The following TEP1 variants were observed in gnomAD, a reference collection of about 807,000 sequenced individuals.
The protein encoded by TEP1 is telomerase associated protein 1, also known as telomerase protein component 1.
TEP1 carries 241 observed loss-of-function variants against 306.3 expected under a neutral mutation model. The ratio of observed to expected loss-of-function variants is 0.79; its 90% CI spans 0.71 to 0.88. The LOEUF is 0.88. TEP1 is among the 40% of genes least tolerant of loss of function. The pLI, the probability that TEP1 is intolerant of heterozygous loss-of-function variation, is 0.00. For missense variants in TEP1, 3,051 were observed against 3,276.1 expected, an observed-to-expected ratio of 0.93 and a Z score of 1.68; for synonymous variants, 1,289 against 1,305.5, an observed-to-expected ratio of 0.99 and a Z score of 0.27.
chr14:20,401,732 C>A, intron 7 of TEP1, 151 bp from the exon 8 acceptor site: 1 of 1,175,362 alleles, frequency 8.5e-7, no homozygotes. Context: ...ATAGAGGGTA[C>A]AAATCTCTGG....
At chr14:20,402,612 G>A (rs567465613) in intron 7 of TEP1, among the ~76,000 whole-genome samples, 2 of 152,036 alleles carry the variant, frequency 1.3e-5, no homozygotes, top group African/African-American at 2.4e-5. Flanking sequence ...CATTTAATAC[G>A]TGAGAAAACT....
intron 53 of TEP1, among the ~76,000 whole-genome samples, 193 bp from the exon 54 acceptor site, chr14:20,369,095 C>T (rs948932754): frequency 1.3e-5 from 2 of 152,044 alleles, no homozygotes; most frequent in African/African-American, 4.8e-5. Context: ...GCAAGCTCTG[C>T]CTCCCGGGTT....
rs766048258 is a variant in TEP1 at position 20,403,412 on chromosome 14, T to C, written c.1231A>G (p.Arg411Gly). 6.2e-7 allele frequency: 1 copy of C among 1,614,084 alleles called. No homozygotes were observed. Among genetic ancestry groups the C allele is most frequent in the South Asian group, 1.1e-5 (1 of 91,084 alleles). ...TCTTCTCTGAGAAACCCTATGTACC[T>C]TGGAAAACATCTGTGAGAAAATGGA... ...EPPFSHRCFPRYIGFLREEQR... is the reference protein window; with the variant it reads ...EPPFSHRCFPGYIGFLREEQR... The change falls in exon 7 of 55, where the codon AGG (arginine) becomes GGG (glycine). Residue 411 changes from arginine to glycine, a missense_variant. Physicochemically the swap from Arg to Gly is moderately radical, Grantham distance 125 (BLOSUM62 -2). Coordinates refer to ENST00000262715, the MANE Select transcript of TEP1 (RefSeq NM_007110.5).
In TEP1 at chr14:20,408,017, C is replaced by T; in HGVS notation, c.423G>A (p.Leu141=). The stretch of plus-strand genomic sequence containing the variant: ...GGCAATTGCTGTTGTTCACACGGTA[C>T]AAATCAGCTTGCGTCATGTGAGATA... ...LQISHMTQAD[L]YRVNNSNCLL... The change falls in exon 2 of 55, where the codon TTG becomes TTA. Residue 141 remains leucine (L), a synonymous_variant. Transcript: ENST00000262715. The T allele has an allele frequency of 6.2e-7, 1 of 1,614,178 alleles. No homozygotes were observed. Among genetic ancestry groups the T allele is most frequent in the Non-Finnish European group, 8.5e-7 (1 of 1,180,038 alleles).
rs1884498760 is a variant in TEP1 at position 20,366,905 on chromosome 14, A to G, written c.*1532T>C. On this transcript the variant is annotated 3_prime_UTR_variant, in exon 55 of 55. Coordinates refer to ENST00000262715, the MANE Select transcript of TEP1 (RefSeq NM_007110.5). ...ATCTTTTGCCTTTTGCTCTCCTAAA[A>G]GCATGGGCCAAGGGCAGGAGGAAGC... 6.6e-6 allele frequency: 1 copy of G among 152,236 alleles called. No individual in the cohort carries two copies. Among genetic ancestry groups the G allele is most frequent in the African/African-American group, 2.4e-5 (1 of 41,470 alleles). The allele number at this position is 152,236 out of a possible 1,614,324, so 9.4% of individuals were successfully genotyped here.
intron 5 of TEP1, among the ~76,000 whole-genome samples, chr14:20,404,287 G>A (rs980172256): frequency 1.2e-4 from 18 of 150,778 alleles, no homozygotes; most frequent in Admixed American, 6.6e-4. Flanking sequence ...CCTGGGAGGC[G>A]GAGGTTGCAG....
chr14:20,408,035 G>A lies in TEP1; in HGVS notation c.405C>T (p.His135=). Residue 135 remains histidine (H), a synonymous_variant, in exon 2 of 55, where the codon CAC becomes CAT. Coordinates refer to ENST00000262715, the MANE Select transcript of TEP1 (RefSeq NM_007110.5). ...SPLFQSLQIS[H]MTQADLYRVN... ...CACGGTACAAATCAGCTTGCGTCATGTGAGATATCTGTAGACTCTGGAACA... is the reference window on the plus strand; with the variant it reads ...CACGGTACAAATCAGCTTGCGTCATATGAGATATCTGTAGACTCTGGAACA... 1 of 1,614,206 alleles carries A rather than the reference G, an allele frequency of 6.2e-7. No individual in the cohort carries two copies. The highest frequency in any genetic ancestry group is 8.5e-7 in the Non-Finnish European group (1 of 1,180,034).
intron 35 of TEP1, 50 bp from the exon 36 acceptor site, chr14:20,379,155 C>T (rs1319931807): frequency 6.2e-7 from 1 of 1,601,416 alleles, no homozygotes; most frequent in Non-Finnish European, 8.5e-7. Context: ...CTTGACCCTC[C>T]AAGTCCCACC....
chr14:20,380,943 G>A lies in TEP1; in HGVS notation c.4750C>T (p.His1584Tyr). ...TGACTCATCTCACCATAGAGGGCAT[G>A]GGCCTCCAAGAGCCGAGAGACCAGA... is the stretch of plus-strand genomic sequence containing the variant. ...LGLVSRLLEAHALYASSVPKE... is the reference protein window; with the variant it reads ...LGLVSRLLEAYALYASSVPKE... The change falls in exon 33 of 55, where the codon CAT becomes TAT. Residue 1584 changes from histidine to tyrosine, a missense_variant. This residue lies in a region of TEP1 where 1,540 missense variants were observed against 1,705.9 expected (regional missense o/e 0.90). Coordinates refer to ENST00000262715, the MANE Select transcript of TEP1 (RefSeq NM_007110.5). 1 of 1,613,930 alleles carries A rather than the reference G, an allele frequency of 6.2e-7. No individual in the cohort carries two copies. Among genetic ancestry groups the A allele is most frequent in the Non-Finnish European group, 8.5e-7 (1 of 1,179,814 alleles).
In TEP1 at chr14:20,381,997, C is replaced by T. The variant is rs1713457; in HGVS notation, c.4340G>A (p.Ser1447Asn). Residue 1447 changes from serine (S) to asparagine (N), a missense_variant, in exon 30 of 55, where the codon AGC becomes AAC. Physicochemically the swap from Ser to Asn is conservative, Grantham distance 46. Around this residue, in one of 3 missense-constraint regions of TEP1, gnomAD observed 1,540 missense variants for 1,705.9 expected, o/e 0.90. Transcript: ENST00000262715. The surrounding 1 kb of genome is among the most constrained non-coding windows in gnomAD (Gnocchi z 4.0). Reference protein sequence around the residue: ...VWRTLPKGTKSWEEAVAAGNS... With the variant: ...VWRTLPKGTKNWEEAVAAGNS... ...ACCAGCAGCCACTGCTTCTTCCCAG[C>T]TCTTAGTCCCCTTCGGTAGTGTCCG... is the stretch of plus-strand genomic sequence containing the variant. 1 of 1,614,054 alleles carries T rather than the reference C, an allele frequency of 6.2e-7. No individual in the cohort carries two copies. Among genetic ancestry groups the T allele is most frequent in the South Asian group, 1.1e-5 (1 of 91,078 alleles).
rs1471078291 is a variant in TEP1 at position 20,405,504 on chromosome 14, T to G, written c.817A>C (p.Ile273Leu). Reference protein sequence around the residue: ...NNTSDPTLAAIFEICRELALL... With the variant: ...NNTSDPTLAALFEICRELALL... Reference sequence around the variant, plus strand: ...GCAAGTTCACGACAGATTTCAAAAATGGCAGCCAGGGTGGGGTCAGATGTA... The same window carrying G: ...GCAAGTTCACGACAGATTTCAAAAAGGGCAGCCAGGGTGGGGTCAGATGTA... The change falls in exon 4 of 55, where the codon ATT becomes CTT. Residue 273 changes from isoleucine to leucine, a missense_variant. Ile to Leu is a conservative substitution (Grantham distance 5). This residue lies in a region of TEP1 where 1,507 missense variants were observed against 1,550.5 expected (regional missense o/e 0.97). Transcript: ENST00000262715. 1 of 1,614,172 alleles carries G rather than the reference T, an allele frequency of 6.2e-7. No homozygotes were observed.
In TEP1 at chr14:20,379,983, C is replaced by A; in HGVS notation, c.5074G>T (p.Ala1692Ser). Residue 1692 changes from alanine (A) to serine (S), a missense_variant, in exon 35 of 55, where the codon GCT becomes TCT. By Grantham distance (99) the Ala-to-Ser change is moderately conservative (BLOSUM62 1). Transcript: ENST00000262715. ...ACTGTCCCATTGGCAGTGCCCACAG[C>A]TGCTCTTTGCCCATTGGTGGAGAAG... Reference protein sequence around the residue: ...VAFSTNGQRAAVGTANGTVYL... With the variant: ...VAFSTNGQRASVGTANGTVYL... 1 of 1,614,160 alleles carries A rather than the reference C, an allele frequency of 6.2e-7. No homozygotes were observed. Among genetic ancestry groups the A allele is most frequent in the Non-Finnish European group, 8.5e-7 (1 of 1,180,030 alleles).
intron 18 of TEP1, 105 bp from the exon 19 acceptor site, chr14:20,386,728 A>C (rs1295288550): frequency 2.4e-6 from 3 of 1,275,292 alleles, no homozygotes; most frequent in Non-Finnish European, 3.0e-6. Flanking sequence ...GCCAGGTACG[A>C]CAGACAGCAG....
In TEP1 at chr14:20,371,537, T is replaced by C; in HGVS notation, c.7172A>G (p.Asp2391Gly). ...TGGCTTCATGCAAAGTAACTTCAAA[T>C]CTGCTTTGGCCAAGATGAGAAAGTG... Reference protein sequence around the residue: ...DGHFLILAKADLKLLCMKPGD... With the variant: ...DGHFLILAKAGLKLLCMKPGD... Residue 2391 changes from aspartate (D) to glycine (G), a missense_variant, in exon 50 of 55, where the codon GAT becomes GGT. By Grantham distance (94) the Asp-to-Gly change is moderately conservative. Coordinates refer to ENST00000262715, the MANE Select transcript of TEP1 (RefSeq NM_007110.5). 1 of 1,608,822 alleles carries C rather than the reference T, an allele frequency of 6.2e-7. No homozygotes were observed. The highest frequency in any genetic ancestry group is 8.5e-7 in the Non-Finnish European group (1 of 1,178,918).
chr14:20,374,545 T>C lies in TEP1; in HGVS notation c.6364-9A>G. 6 of 1,599,356 alleles carry C rather than the reference T, an allele frequency of 3.8e-6. No homozygotes were observed. Among genetic ancestry groups the C allele is most frequent in the Non-Finnish European group, 5.1e-6 (6 of 1,169,444 alleles). ...TCACTGGAGCAGGATATCTACAGAG[T>C]CAGAAGTCAGAGGAGTGGGATTATC... On this transcript the variant is annotated splice_polypyrimidine_tract_variant and intron_variant, in intron 43 of 54. Coordinates refer to ENST00000262715, the MANE Select transcript of TEP1 (RefSeq NM_007110.5).
chr14:20,378,603 C>T, intron 37 of TEP1, 68 bp from the exon 38 acceptor site: 1 of 1,606,076 alleles, frequency 6.2e-7, no homozygotes, highest in Non-Finnish European at 8.5e-7. Context: ...CCCAGACCTC[C>T]AGGAGCAACC....
In TEP1 at chr14:20,387,903, A is replaced by G; in HGVS notation, c.2684+2T>C. 1.9e-6 allele frequency: 3 copies of G among 1,601,326 alleles called. 1 individual carries two copies. Among genetic ancestry groups the G allele is most frequent in the South Asian group, 2.3e-5 (2 of 88,484 alleles). On this transcript the variant is annotated splice_donor_variant, in intron 18 of 54. Transcript: ENST00000262715. LOFTEE classifies it high-confidence loss of function. ...CACAAAGGCATAGAAACACAGACTGACCCTTGCTGGGAAACAGGAGCCAAG... is the reference window on the plus strand; with the variant it reads ...CACAAAGGCATAGAAACACAGACTGGCCCTTGCTGGGAAACAGGAGCCAAG...
intron 12 of TEP1, among the ~76,000 whole-genome samples, chr14:20,394,474 C>CTTTTTTTTTT (rs747749338): frequency 6.0e-5 from 6 of 100,456 alleles, no homozygotes; most frequent in Non-Finnish European, 9.5e-5. Flanking sequence ...GCCCCTTGGG[C>CTTTTTTTTTT]TTTTTTTTTT....
rs1879325711 is a variant in TEP1, at chr14:20,408,009, A to T, written c.431T>A (p.Val144Glu). Residue 144 changes from valine (V) to glutamate (E), a missense_variant, in exon 2 of 55, where the codon GTG becomes GAG. By Grantham distance (121) the Val-to-Glu change is moderately radical. Coordinates refer to ENST00000262715, the MANE Select transcript of TEP1 (RefSeq NM_007110.5). ...AGAGAGCAGGCAATTGCTGTTGTTC[A>T]CACGGTACAAATCAGCTTGCGTCAT... ...SHMTQADLYRVNNSNCLLSEP... is the reference protein window; with the variant it reads ...SHMTQADLYRENNSNCLLSEP... 3 of 1,614,232 alleles carry T rather than the reference A, an allele frequency of 1.9e-6. No homozygotes were observed. Among genetic ancestry groups the T allele is most frequent in the Non-Finnish European group, 2.5e-6 (3 of 1,180,042 alleles).
Sources: allele counts gnomAD v4.1 joint callset (sites outside exome capture counted in the v4.1 genomes callset), GRCh38; gene constraint gnomAD v4.1.1; regional missense constraint gnomAD v4.1.1; non-coding constraint Gnocchi (gnomAD v3.1); transcripts MANE v1.5; gene names NCBI Gene and HGNC (gene_info 2026-07-23, HGNC 2026-07-21).